MARCHF1: variants seen among roughly 807,000 people sequenced by gnomAD.
The protein encoded by MARCHF1 is membrane associated ring-CH-type finger 1, also known as E3 ubiquitin-protein ligase MARCHF1.
In MARCHF1, 40 loss-of-function variants were observed where a neutral mutation model predicts 54.2. The observed-to-expected ratio is 0.74, with a 90% CI of 0.57 to 0.96. The LOEUF is 0.96. MARCHF1 is among the 40% of genes least tolerant of loss of function. The pLI is 0.00. For missense variants in MARCHF1, 586 were observed against 656.5 expected (o/e 0.89, Z 1.17); for synonymous variants, 236 against 236.3 (o/e 1.00, Z 0.01).
chr4:163,650,132 C>T (rs1037105287), intron 5 of MARCHF1, among the ~76,000 whole-genome samples: 4 of 151,618 alleles, frequency 2.6e-5, no homozygotes, highest in Non-Finnish European at 5.9e-5. Context: ...TATAAACACA[C>T]GTATTTTTTG....
chr4:163,916,937 G>C (rs910479945), intron 3 of MARCHF1, among the ~76,000 whole-genome samples: 1 of 152,070 alleles, frequency 6.6e-6, no homozygotes, highest in Admixed American at 6.6e-5. Flanking sequence ...ATAATGATAT[G>C]TATCTACCAT....
intron 5 of MARCHF1, among the ~76,000 whole-genome samples, chr4:163,699,480 G>A (rs1744739002): frequency 1.3e-5 from 2 of 151,840 alleles, no homozygotes; most frequent in Admixed American, 1.3e-4. Context: ...TGATACTGTG[G>A]TCACAATTTT....
intron 7 of MARCHF1, among the ~76,000 whole-genome samples, chr4:163,599,314 T>TATA (rs1560965951): frequency 1.3e-5 from 2 of 151,222 alleles, no homozygotes; most frequent in African/African-American, 2.4e-5. Context: ...TATATATATG[T>TATA]TTTATTTTAC....
intron 8 of MARCHF1, among the ~76,000 whole-genome samples, chr4:163,552,679 A>T (rs539434782): frequency 6.6e-6 from 1 of 152,270 alleles, no homozygotes; most frequent in African/African-American, 2.4e-5. Context: ...TCCATCACTG[A>T]GGAATGAACC....
intron 3 of MARCHF1, among the ~76,000 whole-genome samples, chr4:163,897,993 G>A (rs1176921715): frequency 1.3e-4 from 19 of 148,750 alleles, no homozygotes; most frequent in Non-Finnish European, 1.8e-4. Flanking sequence ...CCCGGGAGGC[G>A]GAGCTTGCAG....
chr4:163,657,438 T>G (rs1743189520), intron 5 of MARCHF1, among the ~76,000 whole-genome samples: 1 of 152,206 alleles, frequency 6.6e-6, no homozygotes, highest in South Asian at 2.1e-4. Context: ...AAACATTCCA[T>G]GCTCATGGAT....
rs537633019 is a variant in MARCHF1 at position 163,750,344 on chromosome 4, T to C, written c.112-49481A>G. Among the ~76,000 whole-genome samples the C allele has an allele frequency of 1.7e-4, 25 of 151,308 alleles. No homozygotes were observed. The East Asian group carries it at 4.7e-3, about 29-fold the overall frequency. On this transcript the variant is annotated intron_variant, in intron 4 of 9. Transcript: ENST00000514618. ...GGCTAACACGGTGAAACCCCATCTC[T>C]AATAAAAATACAAAAAATTAGCCAG...
intron 9 of MARCHF1, among the ~76,000 whole-genome samples, chr4:163,544,975 A>G (rs1738848523): frequency 1.3e-5 from 2 of 152,354 alleles, no homozygotes; most frequent in African/African-American, 2.4e-5. Context: ...ATAATATTTT[A>G]TAGACATTGT....
chr4:163,817,366 C>G (rs1376370400), intron 4 of MARCHF1, among the ~76,000 whole-genome samples: 8 of 147,524 alleles, frequency 5.4e-5, no homozygotes, highest in African/African-American at 2.1e-4. Flanking sequence ...TACATACATA[C>G]ATATACATAC....
intron 9 of MARCHF1, chr4:163,530,282 C>G (rs1738301922): frequency 6.6e-6 from 1 of 151,996 alleles, no homozygotes; most frequent in South Asian, 2.1e-4. Context: ...AGATCCCCAG[C>G]AAACACCATT....
intron 9 of MARCHF1, among the ~76,000 whole-genome samples, chr4:163,537,305 T>C (rs2110887208): frequency 6.6e-6 from 1 of 152,284 alleles, no homozygotes; most frequent in South Asian, 2.1e-4. Context: ...TCAGTTTCTA[T>C]GCTATTGTTA....
At chr4:164,380,246 C>T (rs964057889) in intron 1 of MARCHF1, among the ~76,000 whole-genome samples, 3 of 152,198 alleles carry the variant, frequency 2.0e-5, no homozygotes, top group African/African-American at 7.2e-5. Flanking sequence ...AGGTTCACCT[C>T]TATCAATTTA....
intron 1 of MARCHF1, among the ~76,000 whole-genome samples, chr4:164,376,649 C>G (rs931657204): frequency 2.0e-5 from 3 of 152,130 alleles, no homozygotes; most frequent in African/African-American, 7.2e-5. Context: ...AACTATCCAC[C>G]CATTCCCACT....
chr4:164,129,494 G>T (rs1246734930), intron 1 of MARCHF1, among the ~76,000 whole-genome samples: 1 of 152,108 alleles, frequency 6.6e-6, no homozygotes, highest in Non-Finnish European at 1.5e-5. Flanking sequence ...TTTAATGCTG[G>T]AGTGAATTAT....
intron 1 of MARCHF1, among the ~76,000 whole-genome samples, chr4:164,140,416 C>G (rs181871446): frequency 5.2e-4 from 79 of 152,054 alleles, no homozygotes; most frequent in African/African-American, 1.9e-3. Context: ...CAGATAGTAT[C>G]AAGGAGCTGA....
chr4:163,783,633 AG>A (rs1457958135), intron 4 of MARCHF1, among the ~76,000 whole-genome samples: 1 of 152,198 alleles, frequency 6.6e-6, no homozygotes, highest in East Asian at 1.9e-4. Flanking sequence ...ATCTTATTGC[AG>A]AAAAATGTCA....
intron 1 of MARCHF1, among the ~76,000 whole-genome samples, chr4:164,218,988 A>G (rs1025615751): frequency 6.6e-6 from 1 of 152,174 alleles, no homozygotes; most frequent in African/African-American, 2.4e-5. Flanking sequence ...GGATATGTAA[A>G]CAGTATTGAT....
At chr4:164,109,960 A>G (rs1755800012) in intron 2 of MARCHF1, among the ~76,000 whole-genome samples, 1 of 149,572 alleles carries the variant, frequency 6.7e-6, no homozygotes, top group African/African-American at 2.4e-5. Context: ...CACCACTGAT[A>G]GAACTGCACA....
rs118171031 is a variant in MARCHF1, at chr4:164,052,935, G to T, written c.-248+58653C>A. 1.4e-3 allele frequency among the ~76,000 whole-genome samples: 216 copies of T among 152,106 alleles called. 5 individuals are homozygous for T. The East Asian group carries it at 0.035, about 25-fold the overall frequency. ...CATAGAACTATCCTACAAAAACATG[G>T]TGTTTACATCCAGATGGCTTATTTT... On this transcript the variant is annotated intron_variant, in intron 2 of 9. Coordinates refer to ENST00000514618, the MANE Select transcript of MARCHF1 (RefSeq NM_001394959.1).
Sources: gnomAD v4.1 joint callset for allele counts (sites outside exome capture counted in the v4.1 genomes callset) on GRCh38, gnomAD v4.1.1 for gene constraint, MANE v1.5 for transcripts, NCBI Gene and HGNC (gene_info 2026-07-23, HGNC 2026-07-21) for gene names.